DLGAP4: variants seen among roughly 807,000 people sequenced by gnomAD.
DLGAP4 encodes DLG associated protein 4, also known as disks large-associated protein 4.
A neutral mutation model predicts 86.9 loss-of-function variants in DLGAP4; 18 were observed. That is an observed-to-expected ratio of 0.21 (90% CI 0.14 to 0.31). The LOEUF (loss-of-function observed/expected upper bound fraction) is 0.31, where lower values mean the gene tolerates loss of function less well. Among genes scored for constraint, DLGAP4 ranks in the 10% least tolerant of loss-of-function variants. The probability of loss-of-function intolerance (pLI) is 1.00; values close to 1 mark genes in which losing one functional copy is unlikely to be tolerated. For missense variants in DLGAP4, 1,085 were observed against 1,362.6 expected (o/e 0.80, Z 3.21); for synonymous variants, 548 against 574.3 (o/e 0.95, Z 0.65).
At chr20:36,335,498 A>T (rs1035201283) in intron 1 of DLGAP4, among the ~76,000 whole-genome samples, 1 of 152,224 alleles carries the variant, frequency 6.6e-6, no homozygotes, top group African/African-American at 2.4e-5. Flanking sequence ...CAGGCTGAAC[A>T]CTCAATAAAT....
At position 36,527,291 on chromosome 20, in the gene DLGAP4, G is replaced by T; in HGVS notation, c.*260G>T. 2.8e-6 allele frequency: 1 copy of T among 358,622 alleles called. No homozygotes were observed. Among genetic ancestry groups the T allele is most frequent in the East Asian group, 5.1e-5 (1 of 19,706 alleles). The allele number at this position is 358,622 out of a possible 1,614,324, so 22.2% of individuals were successfully genotyped here. A position where few individuals can be genotyped will look rare whatever the true frequency, so the allele number is the denominator to read the frequency against. On this transcript the variant is annotated 3_prime_UTR_variant, in exon 13 of 13. Coordinates refer to ENST00000339266, the MANE Select transcript of DLGAP4 (RefSeq NM_001365621.2). Reference sequence around the variant, plus strand: ...CTTTTTTTTTCCTCTTGCTGGCCGTGGTGGACTAGATAGATGGACGTCGGC... The same window carrying T: ...CTTTTTTTTTCCTCTTGCTGGCCGTTGTGGACTAGATAGATGGACGTCGGC...
chr20:36,361,735 G>T (rs1006401902), intron 1 of DLGAP4, among the ~76,000 whole-genome samples: 6 of 152,138 alleles, frequency 3.9e-5, no homozygotes, highest in Non-Finnish European at 8.8e-5. Flanking sequence ...CACTTTGGGA[G>T]GCTGAGGCAG....
chr20:36,508,631 T>C (rs1258511831), intron 10 of DLGAP4, among the ~76,000 whole-genome samples: 1 of 152,184 alleles, frequency 6.6e-6, no homozygotes, highest in Non-Finnish European at 1.5e-5. Flanking sequence ...TTTCTCCATA[T>C]TGGTCAGGCT....
Position 36,526,982 on chromosome 20 carries a change from G to A in DLGAP4, c.2930G>A (p.Ser977Asn). Reference protein sequence around the residue: ...ASVRQNSATESADSIEIYVPE... With the variant: ...ASVRQNSATENADSIEIYVPE... Reference sequence around the variant, plus strand: ...GTGCGGCAGAACTCAGCCACCGAGAGCGCAGACAGCATCGAGATTTATGTC... The same window carrying A: ...GTGCGGCAGAACTCAGCCACCGAGAACGCAGACAGCATCGAGATTTATGTC... Residue 977 changes from serine (S) to asparagine (N), a missense_variant, in exon 13 of 13, where the codon AGC (serine) becomes AAC (asparagine). Coordinates refer to ENST00000339266, the MANE Select transcript of DLGAP4 (RefSeq NM_001365621.2). 6.2e-7 allele frequency: 1 copy of A among 1,612,604 alleles called. No homozygotes were observed. Among genetic ancestry groups the A allele is most frequent in the Non-Finnish European group, 8.5e-7 (1 of 1,179,304 alleles).
At chr20:36,406,848 A>G (rs1372701361) in intron 2 of DLGAP4, among the ~76,000 whole-genome samples, 1 of 152,044 alleles carries the variant, frequency 6.6e-6, no homozygotes, top group Admixed American at 6.6e-5. Context: ...GCCAACCCCC[A>G]CATTGCGCAG....
chr20:36,462,254 C>A (rs890469710), intron 7 of DLGAP4: 7 of 1,251,324 alleles, frequency 5.6e-6, no homozygotes, highest in Admixed American at 9.6e-5. Context: ...CTCTGCTTTC[C>A]CCTGGTTTGT....
intron 1 of DLGAP4, among the ~76,000 whole-genome samples, chr20:36,355,779 G>A (rs527536861): frequency 4.6e-5 from 7 of 152,236 alleles, no homozygotes; most frequent in African/African-American, 1.7e-4. Context: ...GAACATTCAC[G>A]TACAAGTCTT....
Position 36,306,376 on chromosome 20 carries a change from G to T in DLGAP4, c.-440G>T. The T allele has an allele frequency of 6.7e-6, 1 of 149,848 alleles. No homozygotes were observed. Among genetic ancestry groups the T allele is most frequent in the South Asian group, 1.9e-4 (1 of 5,300 alleles). The allele number at this position is 149,848 out of a possible 1,614,324, so 9.3% of individuals were successfully genotyped here. On this transcript the variant is annotated 5_prime_UTR_variant, in exon 1 of 13. The change creates a new upstream start codon in the 5' untranslated region. Coordinates refer to ENST00000339266, the MANE Select transcript of DLGAP4 (RefSeq NM_001365621.2). The surrounding 1 kb of genome is among the most constrained non-coding windows in gnomAD (Gnocchi z 4.9). ...GGGGCGCCGCGCCGGCCGGAGGAGA[G>T]GCATGGGGCGCCCGCGGGCCGGAGC...
intron 2 of DLGAP4, among the ~76,000 whole-genome samples, chr20:36,424,493 G>A (rs2032919591): frequency 6.6e-6 from 1 of 152,180 alleles, no homozygotes; most frequent in African/African-American, 2.4e-5. Flanking sequence ...CTTGGGTGAG[G>A]CATCTCCCTT....
intron 11 of DLGAP4, among the ~76,000 whole-genome samples, chr20:36,525,145 G>A (rs2037630806): frequency 6.8e-6 from 1 of 146,314 alleles, no homozygotes; most frequent in South Asian, 2.2e-4. Flanking sequence ...GTGAACCCGG[G>A]AGGTGGAACT....
At chr20:36,474,376 A>G (rs1295591979) in intron 7 of DLGAP4, among the ~76,000 whole-genome samples, 1 of 152,212 alleles carries the variant, frequency 6.6e-6, no homozygotes, top group East Asian at 1.9e-4. Context: ...ACCCAAGATC[A>G]GGCTGGAGAA....
At chr20:36,415,401 C>T (rs2032623765) in intron 2 of DLGAP4, among the ~76,000 whole-genome samples, 1 of 152,218 alleles carries the variant, frequency 6.6e-6, no homozygotes, top group Admixed American at 6.5e-5. Context: ...AAATCTCAGT[C>T]CCTCTCTGAA....
rs535195790 is a variant in DLGAP4 at position 36,402,751 on chromosome 20, A to T, written c.-72-28895A>T. The stretch of plus-strand genomic sequence containing the variant: ...GCAAGACCCTGTCTCATAAAAAAAA[A>T]TTTTTTTTTATTAAATACAGTAATT... On this transcript the variant is annotated intron_variant, in intron 2 of 12. Transcript: ENST00000339266. 3.8e-3 allele frequency among the ~76,000 whole-genome samples: 570 copies of T among 149,908 alleles called. 4 individuals carry two copies. Among genetic ancestry groups the T allele is most frequent in the African/African-American group, 0.013 (518 of 41,144 alleles).
intron 2 of DLGAP4, among the ~76,000 whole-genome samples, chr20:36,410,244 T>C (rs1212809507): frequency 6.6e-6 from 1 of 152,122 alleles, no homozygotes; most frequent in Admixed American, 6.5e-5. Flanking sequence ...TGCCAGCCAC[T>C]TCCTTCTGGA....
At chr20:36,345,566 T>C (rs574712062) in intron 1 of DLGAP4, among the ~76,000 whole-genome samples, 1 of 152,318 alleles carries the variant, frequency 6.6e-6, no homozygotes, top group African/African-American at 2.4e-5. Context: ...AGGCTTGTTT[T>C]GAAGATTGAC....
Position 36,525,970 on chromosome 20 carries a change from C to T in DLGAP4, c.2724C>T (p.Asn908=). 3 of 1,614,040 alleles carry T rather than the reference C, an allele frequency of 1.9e-6. No homozygotes were observed. The highest frequency in any genetic ancestry group is 2.5e-6 in the Non-Finnish European group (3 of 1,180,008). The part of the protein sequence containing the change: ...KFDELYHLKA[N]SWQLVETPEK... The stretch of plus-strand genomic sequence containing the variant: ...ATGAACTCTACCACCTCAAGGCCAA[C>T]AGCTGGCAGCTGGTGGAGACCCCCG... Residue 908 remains asparagine (N), a synonymous_variant, in exon 12 of 13, where the codon AAC becomes AAT. Transcript: ENST00000339266.
chr20:36,368,518 T>C (rs1262269011), intron 2 of DLGAP4, among the ~76,000 whole-genome samples: 1 of 152,202 alleles, frequency 6.6e-6, no homozygotes, highest in Non-Finnish European at 1.5e-5. Flanking sequence ...TGACTAACCA[T>C]GAAAAGGGCC....
chr20:36,465,198 T>C (rs2034294108), intron 7 of DLGAP4: 1 of 144,092 alleles, frequency 6.9e-6, no homozygotes, highest in Non-Finnish European at 1.5e-5. Context: ...GGTTGGGGTT[T>C]AGATAACTAG....
chr20:36,368,431 T>G (rs1262187289), intron 2 of DLGAP4, among the ~76,000 whole-genome samples: 1 of 152,266 alleles, frequency 6.6e-6, no homozygotes, highest in East Asian at 1.9e-4. Context: ...ACCCTTGAAG[T>G]TCACTGTAGA....
Sources: gnomAD v4.1 joint callset for allele counts (sites outside exome capture counted in the v4.1 genomes callset) on GRCh38, gnomAD v4.1.1 for gene constraint, Gnocchi (gnomAD v3.1) non-coding constraint, MANE v1.5 for transcripts, NCBI Gene and HGNC (gene_info 2026-07-23, HGNC 2026-07-21) for gene names.